The following BPIFA3 variants were observed in gnomAD, a reference collection of about 807,000 sequenced individuals.
The protein encoded by BPIFA3 is BPI fold-containing family A member 3.
BPIFA3 carries 32 observed loss-of-function variants against 29.7 expected under a neutral mutation model. The ratio of observed to expected loss-of-function variants is 1.08; its 90% CI spans 0.81 to 1.45. BPIFA3 has a LOEUF of 1.45. Ranked by LOEUF, BPIFA3 falls within the 40% of genes most tolerant of loss-of-function variation. BPIFA3 has a pLI of 0.00. For synonymous variants in BPIFA3, 112 were observed against 113.7 expected (o/e 0.98, Z 0.10); for missense variants, 323 against 311.3 (o/e 1.04, Z -0.28).
At position 33,227,666 on chromosome 20, in the gene BPIFA3, CT is replaced by C; in HGVS notation, c.*51del. 6.6e-7 allele frequency: 1 copy of C among 1,511,894 alleles called. No homozygotes were observed. Among genetic ancestry groups the C allele is most frequent in the Non-Finnish European group, 9.2e-7 (1 of 1,087,876 alleles). The allele number at this position is 1,511,894 out of a possible 1,614,324, so 93.7% of individuals were successfully genotyped here. On this transcript the variant is annotated 3_prime_UTR_variant, in exon 7 of 7. Coordinates refer to ENST00000375454, the MANE Select transcript of BPIFA3 (RefSeq NM_178466.5). ...CCACATCTTGCAACCTTAAGTCTCCCTTAGAGTGGGGCTTCTGCTACCCTAA... is the reference window on the plus strand; with the variant it reads ...CCACATCTTGCAACCTTAAGTCTCCCTAGAGTGGGGCTTCTGCTACCCTAA...
chr20:33,219,856 A>T (rs1985427292), intron 1 of BPIFA3, among the ~76,000 whole-genome samples: 1 of 152,202 alleles, frequency 6.6e-6, no homozygotes, highest in East Asian at 1.9e-4. Context: ...TAGCACTTTA[A>T]GAGGCTGAGG....
rs775518278 is a variant in BPIFA3 at position 33,225,220 on chromosome 20, G to A, written c.509G>A (p.Ser170Asn). 1 of 1,614,028 alleles carries A rather than the reference G, an allele frequency of 6.2e-7. No individual in the cohort carries two copies. Among genetic ancestry groups the A allele is most frequent in the East Asian group, 2.2e-5 (1 of 44,876 alleles). The change falls in exon 4 of 7, where the codon AGC becomes AAC. Residue 170 changes from serine to asparagine, a missense_variant. Transcript: ENST00000375454. ...LVIGKCDAEP[S>N]SVHVAILTEA... ...ATAGGCAAATGCGATGCAGAGCCCA[G>A]CAGTGTCCATGTGGCCATCCTCACT...
chr20:33,224,671 A>G (rs915922240), intron 3 of BPIFA3, among the ~76,000 whole-genome samples: 2 of 152,196 alleles, frequency 1.3e-5, no homozygotes, highest in Admixed American at 1.3e-4. Flanking sequence ...GAAGGAAGTC[A>G]TTTGCTCATT....
chr20:33,221,373 T>C (rs1263694189), intron 1 of BPIFA3, among the ~76,000 whole-genome samples: 1 of 152,190 alleles, frequency 6.6e-6, no homozygotes, highest in Non-Finnish European at 1.5e-5. Flanking sequence ...GCCAGGCGGG[T>C]CTCAAACTCC....
chr20:33,219,355 T>C (rs1043113410), intron 1 of BPIFA3, among the ~76,000 whole-genome samples: 2 of 152,212 alleles, frequency 1.3e-5, no homozygotes, highest in African/African-American at 4.8e-5. Context: ...TGAATATTTC[T>C]CCCAAACTGT....
At chr20:33,221,882 A>C (rs1985530423) in intron 1 of BPIFA3, among the ~76,000 whole-genome samples, 1 of 152,258 alleles carries the variant, frequency 6.6e-6, no homozygotes, top group Admixed American at 6.5e-5. Context: ...GTGCAGTTAG[A>C]ATGTTAGTTC....
intron 5 of BPIFA3, 168 bp from the exon 6 acceptor site, chr20:33,226,762 T>G (rs1985798984): frequency 1.4e-6 from 1 of 696,678 alleles, no homozygotes; most frequent in Non-Finnish European, 2.4e-6. Context: ...AGCGTCGAAG[T>G]GTTGTGCATG....
rs139415982 is a variant in BPIFA3, at chr20:33,219,908, C to A, written c.127+2245C>A. ...CCTAGGAATTCAAGACCAGCCTGGG[C>A]AGCATATCAAGATCCTGTCTCTACA... is the stretch of plus-strand genomic sequence containing the variant. On this transcript the variant is annotated intron_variant, in intron 1 of 6. Coordinates refer to ENST00000375454, the MANE Select transcript of BPIFA3 (RefSeq NM_178466.5). Among the ~76,000 whole-genome samples the A allele has an allele frequency of 1.3e-3, 201 of 151,956 alleles. 5 individuals carry two copies. The East Asian group carries it at 0.035, about 27-fold the overall frequency.
In BPIFA3 at chr20:33,217,490, G is replaced by T. The variant is rs1392427485; in HGVS notation, c.-47G>T. On this transcript the variant is annotated 5_prime_UTR_variant, in exon 1 of 7. Coordinates refer to ENST00000375454, the MANE Select transcript of BPIFA3 (RefSeq NM_178466.5). ...CAGACTGCCACCCTCAAAGCCGTCT[G>T]CCCAGGCCCCATCTGACACTCTTGA... is the stretch of plus-strand genomic sequence containing the variant. 1 of 1,603,696 alleles carries T rather than the reference G, an allele frequency of 6.2e-7. No homozygotes were observed. Among genetic ancestry groups the T allele is most frequent in the African/African-American group, 1.3e-5 (1 of 74,590 alleles).
intron 1 of BPIFA3, among the ~76,000 whole-genome samples, chr20:33,220,787 TA>T (rs1271050440): frequency 1.3e-5 from 2 of 152,214 alleles, no homozygotes; most frequent in Admixed American, 6.5e-5. Context: ...TGTCCATAAG[TA>T]GTAATAGCTT....
chr20:33,227,455 C>A, intron 6 of BPIFA3, 83 bp from the exon 7 acceptor site: 3 of 1,185,804 alleles, frequency 2.5e-6, no homozygotes, highest in Non-Finnish European at 3.8e-6. Context: ...CTTTGGTCAC[C>A]ATGGATGGAT....
In BPIFA3 at chr20:33,217,745, G is replaced by A. The variant is rs1419014868; in HGVS notation, c.127+82G>A. The A allele has an allele frequency of 5.7e-5, 85 of 1,484,746 alleles. 1 individual carries two copies. The South Asian group carries it at 1.0e-3, about 18-fold the overall frequency. The allele number at this position is 1,484,746 out of a possible 1,614,324, so 92.0% of individuals were successfully genotyped here. ...GCCATCTGGGCTCCACTGCTAACCC[G>A]CTGGGTGACTTCAGGTTAGTCACTT... On this transcript the variant is annotated intron_variant, in intron 1 of 6. Transcript: ENST00000375454.
intron 6 of BPIFA3, 119 bp downstream of exon 6, chr20:33,227,112 A>C (rs1985821997): frequency 1.2e-6 from 1 of 831,094 alleles, no homozygotes. Context: ...GTGCCGTGAG[A>C]ACACTTTAGA....
At chr20:33,222,393 AC>A (rs1177099807) in intron 1 of BPIFA3, among the ~76,000 whole-genome samples, 6 of 152,368 alleles carry the variant, frequency 3.9e-5, no homozygotes, top group African/African-American at 1.4e-4. Context: ...TCATGTGCCA[AC>A]TTTGAACCCA....
At chr20:33,218,117 G>C (rs748985535) in intron 1 of BPIFA3, among the ~76,000 whole-genome samples, 5 of 152,230 alleles carry the variant, frequency 3.3e-5, no homozygotes, top group Non-Finnish European at 1.5e-5. Flanking sequence ...GGTGCAGAAA[G>C]AGCCATAAGA....
At chr20:33,220,180 C>T (rs1985443928) in intron 1 of BPIFA3, among the ~76,000 whole-genome samples, 2 of 151,486 alleles carry the variant, frequency 1.3e-5, no homozygotes, top group African/African-American at 4.9e-5. Flanking sequence ...GGGCGAATCA[C>T]AAGGTCAGGA....
chr20:33,217,367 T>C lies in BPIFA3; in HGVS notation c.-170T>C. On this transcript the variant is annotated 5_prime_UTR_variant, in exon 1 of 7. Coordinates refer to ENST00000375454, the MANE Select transcript of BPIFA3 (RefSeq NM_178466.5). ...TTGCTCTCCCAATGTGAGCAAGCCC[T>C]GGTGGCAGCGCCAGGGTCCAGTGCA... 1.3e-6 allele frequency: 1 copy of C among 775,978 alleles called. No individual in the cohort carries two copies. 48.1% of individuals were successfully genotyped at this position (775,978 alleles called of 1,614,324 possible).
chr20:33,226,411 T>A lies in BPIFA3; in HGVS notation c.542T>A (p.Ile181Asn). 6.2e-7 allele frequency: 1 copy of A among 1,611,234 alleles called. No individual in the cohort carries two copies. The highest frequency in any genetic ancestry group is 8.5e-7 in the Non-Finnish European group (1 of 1,177,740). Residue 181 changes from isoleucine (I) to asparagine (N), a missense_variant, in exon 5 of 7, where the codon ATC becomes AAC. Transcript: ENST00000375454. ...SVHVAILTEAIPPKMNQFLYN... is the reference protein window; with the variant it reads ...SVHVAILTEANPPKMNQFLYN... ...GCCTCTACCTTTCTTTCTAGGGCTA[T>A]CCCACCAAAGATGAATCAGTTTCTC...
At chr20:33,220,991 A>G (rs6057767) in intron 1 of BPIFA3, among the ~76,000 whole-genome samples, 17,785 of 152,182 alleles carry the variant, frequency 0.12, 3,502 homozygotes, top group African/African-American at 0.41. Context: ...TTTCTTACTC[A>G]TAAGTCAGTA....
Sources: allele counts gnomAD v4.1 joint callset (sites outside exome capture counted in the v4.1 genomes callset), GRCh38; gene constraint gnomAD v4.1.1; transcripts MANE v1.5; gene names NCBI Gene and HGNC (gene_info 2026-07-23, HGNC 2026-07-21).